Variants in SSPN observed in about 807,000 individuals in gnomAD.
SSPN encodes the protein K-ras oncogene-associated protein.
A neutral mutation model predicts 19.1 loss-of-function variants in SSPN; 15 were observed. The observed-to-expected ratio is 0.78, with a 90% CI of 0.52 to 1.21. The LOEUF (loss-of-function observed/expected upper bound fraction) is 1.21, where lower values mean the gene tolerates loss of function less well. Ranked by LOEUF, SSPN falls within the 50% of genes most tolerant of loss-of-function variation. SSPN has a pLI of 0.00. For synonymous variants in SSPN, 147 were observed against 140.3 expected, an observed-to-expected ratio of 1.05 and a Z score of -0.34; for missense variants, 291 against 314.0, an observed-to-expected ratio of 0.93 and a Z score of 0.55.
intron 1 of SSPN, among the ~76,000 whole-genome samples, chr12:26,212,741 A>G (rs1945003519): frequency 6.6e-6 from 1 of 152,208 alleles, no homozygotes; most frequent in Non-Finnish European, 1.5e-5. Flanking sequence ...ATCATAGGCC[A>G]AATAAAGTAG....
intron 1 of SSPN, among the ~76,000 whole-genome samples, chr12:26,163,043 G>GTGTGTGTGTGTGTGTGTGTA (rs1209304315): frequency 4.6e-5 from 6 of 130,556 alleles, no homozygotes; most frequent in African/African-American, 2.6e-4. Flanking sequence ...GTGTGTGTGT[G>GTGTGTGTGTGTGTGTGTGTA]TGTGTGTGTG....
chr12:26,221,547 G>T (rs1452100264), intron 1 of SSPN, among the ~76,000 whole-genome samples: 1 of 152,198 alleles, frequency 6.6e-6, no homozygotes, highest in Non-Finnish European at 1.5e-5. Flanking sequence ...GAGGTCATGT[G>T]TTCCTATGCA....
chr12:26,126,797 C>A (rs2137393539), intron 1 of SSPN, among the ~76,000 whole-genome samples: 1 of 152,330 alleles, frequency 6.6e-6, no homozygotes, highest in African/African-American at 2.4e-5. Flanking sequence ...GTTTAGAGGG[C>A]CTTTTAAGGT....
intron 1 of SSPN, among the ~76,000 whole-genome samples, chr12:26,152,247 C>T (rs1944530032): frequency 6.6e-6 from 1 of 152,092 alleles, no homozygotes; most frequent in South Asian, 2.1e-4. Context: ...TATGCAGCAG[C>T]TTACCATTAT....
chr12:26,166,240 T>A (rs1467884903), intron 1 of SSPN, among the ~76,000 whole-genome samples: 2 of 152,204 alleles, frequency 1.3e-5, no homozygotes, highest in Admixed American at 1.3e-4. Context: ...CTGCATGTTC[T>A]GCACATGTAT....
rs762578344 is a variant in SSPN at position 26,138,753 on chromosome 12, T to A, written c.-31+16601T>A. On this transcript the variant is annotated intron_variant, in intron 1 of 2. Transcript: ENST00000538142. ...GACATTTTTTTAACCTGTTCTTTTT[T>A]TAAGGTGCTTATGGTGCTCAGAATC... Among the ~76,000 whole-genome samples the A allele has an allele frequency of 2.4e-4, 37 of 152,142 alleles. 1 individual carries two copies. Among genetic ancestry groups the A allele is most frequent in the Admixed American group, 4.6e-4 (7 of 15,250 alleles).
chr12:26,234,198 T>C lies in SSPN; in HGVS notation c.*3122T>C, dbSNP rs1486776837. On this transcript the variant is annotated 3_prime_UTR_variant, in exon 3 of 3. Transcript: ENST00000242729. ...CTTTTTGCATGCAGTATGTCTGGAA[T>C]ATGTTTATAAAATTTTAGCAAGGGG... is the stretch of plus-strand genomic sequence containing the variant. 1 of 152,214 alleles carries C rather than the reference T, an allele frequency of 6.6e-6. No homozygotes were observed. The highest frequency in any genetic ancestry group is 6.5e-5 in the Admixed American group (1 of 15,288). The allele number at this position is 152,214 out of a possible 1,614,324, so 9.4% of individuals were successfully genotyped here. A position where few individuals can be genotyped will look rare whatever the true frequency, so the allele number is the denominator to read the frequency against.
intron 1 of SSPN, among the ~76,000 whole-genome samples, chr12:26,147,278 G>GTGT (rs1555176232): frequency 1.3e-4 from 19 of 146,930 alleles, no homozygotes; most frequent in South Asian, 1.1e-3. Flanking sequence ...TTTTTTTTGT[G>GTGT]TTTTTTTTTT....
rs539518672 is a variant in SSPN, at chr12:26,214,274, G to A, written c.280-10019G>A. On this transcript the variant is annotated intron_variant, in intron 1 of 2. Transcript: ENST00000242729. Reference sequence around the variant, plus strand: ...TCTTTTTCACACTGCCTTAGGATTGGTGCTTCAGCAATTCAGGAGAGGAGC... The same window carrying A: ...TCTTTTTCACACTGCCTTAGGATTGATGCTTCAGCAATTCAGGAGAGGAGC... Among the ~76,000 whole-genome samples, 37 of 152,176 alleles carry A rather than the reference G, an allele frequency of 2.4e-4. No homozygotes were observed. The Middle Eastern group carries it at 0.031, about 126-fold the overall frequency.
At position 26,160,710 on chromosome 12, in the gene SSPN, A is replaced by G. The variant is rs79593458; in HGVS notation, c.-31+38558A>G. ...TCTACTATCTTGACTGCTACCACCC[A>G]TGTCAGAACCACTATTATCTTTCAT... On this transcript the variant is annotated intron_variant, in intron 1 of 2. Coordinates refer to the SSPN transcript ENST00000538142. Among the ~76,000 whole-genome samples the G allele has an allele frequency of 2.0e-3, 297 of 152,248 alleles. 2 individuals are homozygous for G. The highest frequency in any genetic ancestry group is 6.8e-3 in the African/African-American group (283 of 41,536).
At position 26,195,641 on chromosome 12, in the gene SSPN, G is replaced by GCGGGCC; in HGVS notation, c.-31_-30insGGGCCC. ...CTCCAGGGCCCAGGGCGCCGCACAC[G>GCGGGCC]CACCCACCCACCCACCCAGCCTCGC... On this transcript the variant is annotated 5_prime_UTR_variant, in exon 1 of 3. Coordinates refer to ENST00000242729, the MANE Select transcript of SSPN (RefSeq NM_005086.5). 1 of 1,105,402 alleles carries GCGGGCC rather than the reference G, an allele frequency of 9.0e-7. No homozygotes were observed. Among genetic ancestry groups the GCGGGCC allele is most frequent in the Non-Finnish European group, 1.1e-6 (1 of 878,120 alleles). The allele number at this position is 1,105,402 out of a possible 1,614,324, so 68.5% of individuals were successfully genotyped here.
intron 1 of SSPN, among the ~76,000 whole-genome samples, chr12:26,173,342 C>T (rs999611750): frequency 6.6e-6 from 1 of 152,176 alleles, no homozygotes; most frequent in Non-Finnish European, 1.5e-5. Flanking sequence ...CTAAATAGAT[C>T]TCTAATGAAG....
intron 1 of SSPN, among the ~76,000 whole-genome samples, chr12:26,223,202 T>C (rs1945140933): frequency 6.6e-6 from 1 of 152,144 alleles, no homozygotes. Context: ...CCTACCCTTT[T>C]TGCTCTATAT....
At chr12:26,203,146 A>G (rs1306834163) in intron 1 of SSPN, among the ~76,000 whole-genome samples, 1 of 152,198 alleles carries the variant, frequency 6.6e-6, no homozygotes, top group African/African-American at 2.4e-5. Flanking sequence ...TTTCCCCCTC[A>G]ACACATGGGG....
chr12:26,177,652 G>T (rs938644822), intron 1 of SSPN, among the ~76,000 whole-genome samples: 1 of 152,158 alleles, frequency 6.6e-6, no homozygotes, highest in Admixed American at 6.5e-5. Flanking sequence ...GGTTCTACTC[G>T]TGAATCCTTT....
intron 1 of SSPN, among the ~76,000 whole-genome samples, chr12:26,127,023 A>G (rs1246739201): frequency 6.6e-6 from 1 of 152,156 alleles, no homozygotes; most frequent in Non-Finnish European, 1.5e-5. Context: ...GTACTGTATC[A>G]TTTTTACCTC....
intron 1 of SSPN, among the ~76,000 whole-genome samples, chr12:26,157,552 A>T (rs940818517): frequency 6.6e-6 from 1 of 152,172 alleles, no homozygotes; most frequent in Non-Finnish European, 1.5e-5. Context: ...GGATGTTCAG[A>T]TGACTAAATT....
upstream of SSPN, among the ~76,000 whole-genome samples, chr12:26,190,912 C>T (rs142195566): frequency 7.9e-5 from 12 of 152,284 alleles, no homozygotes; most frequent in African/African-American, 2.2e-4. Context: ...TTACTCCTTT[C>T]GAGACAATTC....
intron 1 of SSPN, among the ~76,000 whole-genome samples, chr12:26,149,822 G>T (rs1944514360): frequency 6.6e-6 from 1 of 152,094 alleles, no homozygotes; most frequent in Non-Finnish European, 1.5e-5. Context: ...GCACACATGT[G>T]CATACACACA....
Sources: gnomAD v4.1 joint callset for allele counts (sites outside exome capture counted in the v4.1 genomes callset) on GRCh38, gnomAD v4.1.1 for gene constraint, MANE v1.5 for transcripts, NCBI Gene and HGNC (gene_info 2026-07-23, HGNC 2026-07-21) for gene names.